The following MCCC1 variants were observed in gnomAD, a reference collection of about 807,000 sequenced individuals.
The protein encoded by MCCC1 is methylcrotonyl-CoA carboxylase subunit 1, also known as methylcrotonoyl-CoA carboxylase subunit alpha, mitochondrial.
MCCC1 carries 64 observed loss-of-function variants against 83.8 expected under a neutral mutation model. The observed-to-expected ratio is 0.76, with a 90% CI of 0.62 to 0.94. MCCC1 has a LOEUF of 0.94. MCCC1 is among the 40% of genes least tolerant of loss of function. The pLI, the probability that MCCC1 is intolerant of heterozygous loss-of-function variation, is 0.00. For missense variants in MCCC1, 807 were observed against 904.7 expected (o/e 0.89, Z 1.39); for synonymous variants, 322 against 315.4 (o/e 1.02, Z -0.22).
intron 9 of MCCC1, 25 bp downstream of exon 9, chr3:183,052,134 C>G (rs1473954805): frequency 6.2e-7 from 1 of 1,606,640 alleles, no homozygotes. Flanking sequence ...TACGTCTCTT[C>G]CATTAGAAGC....
At chr3:183,102,838 G>A (rs1367381017), upstream of MCCC1, among the ~76,000 whole-genome samples, 1 of 122,960 alleles carries the variant, frequency 8.1e-6, no homozygotes, top group Admixed American at 1.1e-4. Context: ...CCAGGCTAGA[G>A]TGCAATGGCA....
At position 183,052,159 on chromosome 3, in the gene MCCC1, C is replaced by G; in HGVS notation, c.955G>C (p.Gly319Arg). 1.2e-6 allele frequency: 2 copies of G among 1,613,930 alleles called. No individual in the cohort carries two copies. The highest frequency in any genetic ancestry group is 1.7e-6 in the Non-Finnish European group (2 of 1,179,872). Residue 319 changes from glycine (G) to arginine (R), a missense_variant and splice_region_variant, in exon 9 of 19, where the codon GGG becomes CGG. Gly to Arg is a moderately radical substitution (Grantham distance 125, BLOSUM62 -2). Coordinates refer to ENST00000265594, the MANE Select transcript of MCCC1 (RefSeq NM_020166.5). Reference sequence around the variant, plus strand: ...CCATTAGAAGCAAATCTTAACCTACCTGCTCCAACATAATTTACAGCTTTA... The same window carrying G: ...CCATTAGAAGCAAATCTTAACCTACGTGCTCCAACATAATTTACAGCTTTA... ...AAKAVNYVGA[G>R]TVEFIMDSKH... is the part of the protein sequence containing the mutation.
At position 183,115,536 on chromosome 3, in the gene MCCC1, C is replaced by T. The variant is rs143087675; in HGVS notation, c.-164G>A. 133 of 152,414 alleles carry T rather than the reference C, an allele frequency of 8.7e-4. 2 individuals carry two copies. The highest frequency in any genetic ancestry group is 3.0e-3 in the African/African-American group (126 of 41,546). The allele number at this position is 152,414 out of a possible 1,614,324, so 9.4% of individuals were successfully genotyped here. A position where few individuals can be genotyped will look rare whatever the true frequency, so the allele number is the denominator to read the frequency against. ...TTTTGGGTGTGTGTTGTCTCTTCCC[C>T]TACTTATGTTACCAGAGAGAAGGTC... On this transcript the variant is annotated 5_prime_UTR_variant, in exon 1 of 18. Coordinates refer to the MCCC1 transcript ENST00000492597.
At chr3:183,100,102 T>A (rs1191178515), upstream of MCCC1, among the ~76,000 whole-genome samples, 1 of 152,026 alleles carries the variant, frequency 6.6e-6, no homozygotes, top group Non-Finnish European at 1.5e-5. Flanking sequence ...GAAACCAGTG[T>A]CAAAGGACTA....
intron 7 of MCCC1, among the ~76,000 whole-genome samples, chr3:183,068,696 G>T (rs1487174997): frequency 6.6e-6 from 1 of 152,202 alleles, no homozygotes; most frequent in African/African-American, 2.4e-5. Context: ...ATAGGATGGT[G>T]ATTTCATAAG....
At chr3:183,084,656 T>C (rs551368603) in intron 4 of MCCC1, among the ~76,000 whole-genome samples, 2 of 152,210 alleles carry the variant, frequency 1.3e-5, no homozygotes, top group Non-Finnish European at 2.9e-5. Flanking sequence ...GCGCAGTGGA[T>C]TACACTTTTA....
intron 7 of MCCC1, among the ~76,000 whole-genome samples, chr3:183,063,199 G>A (rs1230360748): frequency 6.6e-6 from 1 of 151,736 alleles, no homozygotes; most frequent in Non-Finnish European, 1.5e-5. Context: ...TAGCCAGATG[G>A]TCTTGATCTC....
chr3:183,033,930 T>C (rs1713293064), intron 14 of MCCC1, 61 bp downstream of exon 14: 1 of 1,326,324 alleles, frequency 7.5e-7, no homozygotes, highest in South Asian at 1.2e-5. Flanking sequence ...AATCCTCTTT[T>C]TCAGATTAAT....
intron 14 of MCCC1, among the ~76,000 whole-genome samples, chr3:183,026,103 T>G (rs986721003): frequency 6.6e-6 from 1 of 152,186 alleles, no homozygotes; most frequent in Non-Finnish European, 1.5e-5. Context: ...ACTGCAGTGG[T>G]GCAATCACAG....
At chr3:183,085,630 TAAAAA>T (rs57408690) in intron 4 of MCCC1, among the ~76,000 whole-genome samples, 10 of 103,292 alleles carry the variant, frequency 9.7e-5, no homozygotes, top group African/African-American at 3.7e-4. Context: ...ACCCTGTCTT[TAAAAA>T]AAAAAAAAAA....
chr3:183,092,637 C>T (rs903700125), intron 2 of MCCC1, 92 bp from the exon 3 acceptor site: 16 of 1,527,292 alleles, frequency 1.0e-5, no homozygotes, highest in African/African-American at 8.2e-5. Context: ...GATAAGGACT[C>T]GACTGATAAG....
intron 4 of MCCC1, among the ~76,000 whole-genome samples, chr3:183,077,718 A>G (rs1379425857): frequency 6.6e-6 from 1 of 152,170 alleles, no homozygotes; most frequent in Non-Finnish European, 1.5e-5. Context: ...GTTTTCTTCT[A>G]GAAGTTTTAT....
rs78885479 is a variant in MCCC1, at chr3:183,016,694, G to A, written c.2049+572C>T. ...ATGTAAGCTGAGGAGCATATTCAAC[G>A]TGTATGGTTTTGCACCATTGTCAAG... On this transcript the variant is annotated intron_variant, in intron 18 of 18. Coordinates refer to ENST00000265594, the MANE Select transcript of MCCC1 (RefSeq NM_020166.5). Among the ~76,000 whole-genome samples the A allele has an allele frequency of 8.8e-3, 1,337 of 152,296 alleles. 21 individuals are homozygous for A. The highest frequency in any genetic ancestry group is 0.031 in the African/African-American group (1,278 of 41,562).
intron 1 of MCCC1, among the ~76,000 whole-genome samples, chr3:183,111,058 A>C (rs73052271): frequency 1.3e-5 from 2 of 152,138 alleles, no homozygotes; most frequent in Non-Finnish European, 1.5e-5. Flanking sequence ...AGATGTTTAC[A>C]TATGTATTAT....
At chr3:183,068,271 T>A (rs149953080) in intron 7 of MCCC1, among the ~76,000 whole-genome samples, 1 of 152,300 alleles carries the variant, frequency 6.6e-6, no homozygotes, top group Non-Finnish European at 1.5e-5. Context: ...CAGCAAAAGA[T>A]ACAGGTCATA....
At chr3:183,105,957 C>G (rs1402913513) in intron 1 of MCCC1, among the ~76,000 whole-genome samples, 1 of 151,610 alleles carries the variant, frequency 6.6e-6, no homozygotes, top group Non-Finnish European at 1.5e-5. Flanking sequence ...GACATGGTGG[C>G]TGGTGCCTAT....
At chr3:183,082,587 A>C (rs1301514113) in intron 4 of MCCC1, among the ~76,000 whole-genome samples, 1 of 152,200 alleles carries the variant, frequency 6.6e-6, no homozygotes, top group African/African-American at 2.4e-5. Flanking sequence ...AAGGCAGTAC[A>C]ACAGTCTCTT....
intron 1 of MCCC1, among the ~76,000 whole-genome samples, chr3:183,098,130 C>T (rs181776698): frequency 6.6e-6 from 1 of 152,126 alleles, no homozygotes; most frequent in Admixed American, 6.5e-5. Flanking sequence ...GGGGTTTCAC[C>T]GTGTTATCCA....
At chr3:183,107,300 G>A (rs978900279) in intron 1 of MCCC1, among the ~76,000 whole-genome samples, 1 of 151,672 alleles carries the variant, frequency 6.6e-6, no homozygotes, top group African/African-American at 2.4e-5. Context: ...CCCAGCTACT[G>A]GGGAGGCTGG....
Sources: allele counts gnomAD v4.1 joint callset (sites outside exome capture counted in the v4.1 genomes callset), GRCh38; gene constraint gnomAD v4.1.1; transcripts MANE v1.5; gene names NCBI Gene and HGNC (gene_info 2026-07-23, HGNC 2026-07-21).